CLCN3: variants seen among roughly 807,000 people sequenced by gnomAD.
CLCN3 encodes Cl-/H+ antiporter 3, also known as H(+)/Cl(-) exchange transporter 3.
CLCN3 carries 16 observed loss-of-function variants against 83.4 expected under a neutral mutation model. That is an observed-to-expected ratio of 0.19 (90% CI 0.13 to 0.29). The LOEUF (loss-of-function observed/expected upper bound fraction) is 0.29, where lower values mean the gene tolerates loss of function less well. Among genes scored for constraint, CLCN3 ranks in the 10% least tolerant of loss-of-function variants. The pLI is 1.00. For missense variants in CLCN3, 544 were observed against 1,006.0 expected, an observed-to-expected ratio of 0.54 and a Z score of 6.21; for synonymous variants, 322 against 346.2, an observed-to-expected ratio of 0.93 and a Z score of 0.78.
chr4:169,689,735 A>G (rs1441321353), intron 5 of CLCN3, among the ~76,000 whole-genome samples: 2 of 152,244 alleles, frequency 1.3e-5, no homozygotes, highest in Non-Finnish European at 2.9e-5. Context: ...TATTTTTTAC[A>G]TGATGACATG....
At chr4:169,665,126 A>G (rs1200268239) in intron 2 of CLCN3, among the ~76,000 whole-genome samples, 15 of 152,232 alleles carry the variant, frequency 9.9e-5, no homozygotes, top group Admixed American at 9.8e-4. Context: ...ACAGCTCATC[A>G]TATTTGCAGA....
chr4:169,620,625 C>T lies in CLCN3; in HGVS notation c.-455C>T, dbSNP rs1228872246. On this transcript the variant is annotated 5_prime_UTR_variant, in exon 1 of 13. Transcript: ENST00000513761. ...GGCCGGTCCGGTCCGGAACCTGCAG[C>T]CCCTTTCCCAGTGTTCTAGTTCGCC... is the stretch of plus-strand genomic sequence containing the variant. 1 of 397,486 alleles carries T rather than the reference C, an allele frequency of 2.5e-6. No individual in the cohort carries two copies. Among genetic ancestry groups the T allele is most frequent in the Non-Finnish European group, 4.4e-6 (1 of 225,980 alleles). 24.6% of individuals were successfully genotyped at this position (397,486 alleles called of 1,614,324 possible).
chr4:169,712,021 A>ATTTTTTTTTTTTT (rs564857112), intron 11 of CLCN3, among the ~76,000 whole-genome samples: 1 of 114,982 alleles, frequency 8.7e-6, no homozygotes, highest in Non-Finnish European at 1.7e-5. Flanking sequence ...TGCTTGGCCG[A>ATTTTTTTTTTTTT]TTTTTTTTTT....
At position 169,720,084 on chromosome 4, in the gene CLCN3, T is replaced by A. The variant is rs1013675021; in HGVS notation, c.*87T>A. 1 of 1,541,796 alleles carries A rather than the reference T, an allele frequency of 6.5e-7. No homozygotes were observed. Among genetic ancestry groups the A allele is most frequent in the Admixed American group, 2.1e-5 (1 of 47,150 alleles). ...TCTTTAACCTGAGGGAGTCATCTAC[T>A]TTTTTTTCCTCCTTTACAAAAAAAG... On this transcript the variant is annotated 3_prime_UTR_variant, in exon 13 of 13. Coordinates refer to ENST00000513761, the MANE Select transcript of CLCN3 (RefSeq NM_001829.4).
chr4:169,678,558 C>T (rs548480711), intron 2 of CLCN3, among the ~76,000 whole-genome samples: 83 of 152,174 alleles, frequency 5.5e-4, no homozygotes, highest in Non-Finnish European at 1.1e-3. Context: ...AGGCAGAGGA[C>T]CCTGCGGCCT....
chr4:169,675,672 G>T (rs1174240226), intron 2 of CLCN3, among the ~76,000 whole-genome samples: 4 of 152,074 alleles, frequency 2.6e-5, no homozygotes, highest in Non-Finnish European at 5.9e-5. Flanking sequence ...TCACCTATTT[G>T]AAATTATGTA....
At chr4:169,674,824 C>T (rs1449409024) in intron 2 of CLCN3, among the ~76,000 whole-genome samples, 1 of 152,130 alleles carries the variant, frequency 6.6e-6, no homozygotes, top group Non-Finnish European at 1.5e-5. Flanking sequence ...AATCACAGCC[C>T]ACTTCAGCCT....
intron 2 of CLCN3, among the ~76,000 whole-genome samples, chr4:169,671,883 T>C (rs1731471136): frequency 6.6e-6 from 1 of 152,068 alleles, no homozygotes; most frequent in Non-Finnish European, 1.5e-5. Context: ...CTTTGAGAAA[T>C]GGCTGATCCA....
In CLCN3 at chr4:169,707,090, T is replaced by C. The variant is rs1269700482; in HGVS notation, c.1973T>C (p.Met658Thr). The C allele has an allele frequency of 3.7e-6, 6 of 1,613,988 alleles. No individual in the cohort carries two copies. Among genetic ancestry groups the C allele is most frequent in the East Asian group, 2.2e-5 (1 of 44,890 alleles). ...CATACCACCCTGGCTGCTGACGTTA[T>C]GAGACCTCGAAGGAATGATCCTCCC... ...FTHTTLAADV[M>T]RPRRNDPPLA... Residue 658 changes from methionine to threonine, a missense_variant, in exon 11 of 13, where the codon ATG becomes ACG. By Grantham distance (81) the Met-to-Thr change is moderately conservative (BLOSUM62 -1). Transcript: ENST00000513761.
At chr4:169,713,609 GA>G (rs1259264951) in intron 12 of CLCN3, among the ~76,000 whole-genome samples, 8 of 152,136 alleles carry the variant, frequency 5.3e-5, no homozygotes, top group African/African-American at 1.9e-4. Context: ...GGGAAGAGTG[GA>G]CCTAACCTGC....
Position 169,692,077 on chromosome 4 carries a change from T to C in CLCN3, c.730-37T>C, listed in dbSNP as rs760042257. The C allele has an allele frequency of 1.1e-5, 14 of 1,271,996 alleles. No individual in the cohort carries two copies. The South Asian group carries it at 1.7e-4, about 16-fold the overall frequency. 78.8% of individuals were successfully genotyped at this position (1,271,996 alleles called of 1,614,324 possible). A position where few individuals can be genotyped will look rare whatever the true frequency, so the allele number is the denominator to read the frequency against. On this transcript the variant is annotated intron_variant, in intron 6 of 12. Coordinates refer to ENST00000513761, the MANE Select transcript of CLCN3 (RefSeq NM_001829.4). Reference sequence around the variant, plus strand: ...GGATTCGTTACATTCTCATGTTTCTTAAAGGACATTAAGCTGCCTTAATCT... The same window carrying C: ...GGATTCGTTACATTCTCATGTTTCTCAAAGGACATTAAGCTGCCTTAATCT...
intron 4 of CLCN3, among the ~76,000 whole-genome samples, chr4:169,688,685 AT>A (rs1397783903): frequency 2.0e-5 from 3 of 152,198 alleles, no homozygotes; most frequent in African/African-American, 4.8e-5. Context: ...TTTTAATGAA[AT>A]TGACATCATT....
At position 169,669,596 on chromosome 4, in the gene CLCN3, G is replaced by T. The variant is rs184713715; in HGVS notation, c.161-10454G>T. 1.9e-3 allele frequency among the ~76,000 whole-genome samples: 287 copies of T among 152,308 alleles called. 1 individual carries two copies. Among genetic ancestry groups the T allele is most frequent in the Non-Finnish European group, 1.9e-3 (132 of 68,028 alleles). Reference sequence around the variant, plus strand: ...ATTTAATGATGTGAAATAATTTTTAGGAAGTATGAATAAAAAAATCAACTT... The same window carrying T: ...ATTTAATGATGTGAAATAATTTTTATGAAGTATGAATAAAAAAATCAACTT... On this transcript the variant is annotated intron_variant, in intron 2 of 12. Transcript: ENST00000513761.
At chr4:169,649,502 A>G (rs17055068) in intron 2 of CLCN3, among the ~76,000 whole-genome samples, 11,436 of 152,268 alleles carry the variant, frequency 0.075, 485 homozygotes, top group African/African-American at 0.12. Context: ...ATAGGTAGTG[A>G]TAGAGAGTAG....
chr4:169,698,164 A>C (rs1237145383), intron 9 of CLCN3, among the ~76,000 whole-genome samples: 1 of 152,212 alleles, frequency 6.6e-6, no homozygotes, highest in East Asian at 1.9e-4. Context: ...ATTTTGATAG[A>C]GGCATGGAGT....
At chr4:169,669,496 AT>A (rs1369920147) in intron 2 of CLCN3, among the ~76,000 whole-genome samples, 3 of 152,200 alleles carry the variant, frequency 2.0e-5, no homozygotes, top group Admixed American at 2.0e-4. Flanking sequence ...CTCTAAAAAA[AT>A]AAAGTAAAAT....
chr4:169,697,224 A>G lies in CLCN3; in HGVS notation c.1053A>G (p.Arg351=). The G allele has an allele frequency of 6.3e-7, 1 of 1,595,522 alleles. No individual in the cohort carries two copies. The highest frequency in any genetic ancestry group is 8.5e-7 in the Non-Finnish European group (1 of 1,175,346). The change falls in exon 9 of 13, where the codon AGA becomes AGG. Residue 351 remains arginine (R), a synonymous_variant. Transcript: ENST00000513761. ...SYYFPLKTLW[R]SFFAALVAAF... is the part of the protein sequence containing the mutation. ...ATTTTCCTCTCAAAACTTTATGGAG[A>G]TCATTTTTTGCTGCTTTAGTGGCTG... is the stretch of plus-strand genomic sequence containing the variant.
intron 6 of CLCN3, 131 bp downstream of exon 6, chr4:169,690,783 T>G: frequency 1.4e-6 from 1 of 738,472 alleles, no homozygotes; most frequent in Non-Finnish European, 2.1e-6. Context: ...AAAATTTTTT[T>G]AAGTATAAGC....
chr4:169,677,007 A>G (rs1731707702), intron 2 of CLCN3, among the ~76,000 whole-genome samples: 1 of 152,084 alleles, frequency 6.6e-6, no homozygotes, highest in Admixed American at 6.5e-5. Context: ...GCCTAGTTCC[A>G]GGTGCTACAG....
Sources: allele counts gnomAD v4.1 joint callset (sites outside exome capture counted in the v4.1 genomes callset), GRCh38; gene constraint gnomAD v4.1.1; transcripts MANE v1.5; gene names NCBI Gene and HGNC (gene_info 2026-07-23, HGNC 2026-07-21).